The following SCLT1 variants were observed in gnomAD, a reference collection of about 807,000 sequenced individuals.
SCLT1 encodes the protein sodium channel-associated protein 1.
A neutral mutation model predicts 112.8 loss-of-function variants in SCLT1; 78 were observed. The ratio of observed to expected loss-of-function variants is 0.69; its 90% CI spans 0.58 to 0.83. SCLT1 has a LOEUF of 0.83. Among genes scored for constraint, SCLT1 ranks in the 40% least tolerant of loss-of-function variants. The pLI is 0.00. For synonymous variants in SCLT1, 257 were observed against 254.7 expected (o/e 1.01, Z -0.09); for missense variants, 747 against 770.4 (o/e 0.97, Z 0.36).
chr4:128,943,576 A>G (rs550501330), intron 16 of SCLT1, among the ~76,000 whole-genome samples: 42 of 152,308 alleles, frequency 2.8e-4, no homozygotes, highest in African/African-American at 9.9e-4. Flanking sequence ...AACTCCATGG[A>G]CTAACACAAT....
At chr4:129,025,665 C>T (rs1216322551) in intron 5 of SCLT1, among the ~76,000 whole-genome samples, 1 of 152,116 alleles carries the variant, frequency 6.6e-6, no homozygotes, top group Non-Finnish European at 1.5e-5. Flanking sequence ...AACCAGCTAA[C>T]ATCATAATGA....
At chr4:128,916,682 C>G (rs906796839) in intron 18 of SCLT1, among the ~76,000 whole-genome samples, 1 of 152,160 alleles carries the variant, frequency 6.6e-6, no homozygotes, top group Non-Finnish European at 1.5e-5. Flanking sequence ...CTTACTTTTT[C>G]ATCTACCGTT....
rs202057318 is a variant in SCLT1 at position 128,992,180 on chromosome 4, G to A, written c.673C>T (p.Arg225Ter). 25 of 1,587,000 alleles carry A rather than the reference G, an allele frequency of 1.6e-5. No homozygotes were observed. Among genetic ancestry groups the A allele is most frequent in the African/African-American group, 2.7e-5 (2 of 73,854 alleles). ...TTTTGAAAATACCTAAGTTTTTTTC[G>A]GAGTTGTTCGATTATCACACTTTGT... ...TEQSVIIEQL[R>*]KKLRQAKLEL... Residue 225 changes from arginine to a stop codon, truncating the protein, a stop_gained, in exon 9 of 21, where the codon CGA becomes TGA. Coordinates refer to ENST00000281142, the MANE Select transcript of SCLT1 (RefSeq NM_144643.4). LOFTEE classifies it high-confidence loss of function.
chr4:129,007,508 ATC>A (rs1351591243), intron 5 of SCLT1, among the ~76,000 whole-genome samples: 3 of 152,152 alleles, frequency 2.0e-5, no homozygotes, highest in Non-Finnish European at 4.4e-5. Context: ...ATCTGTAATC[ATC>A]TGTTTCACAT....
At chr4:129,032,833 AC>A (rs1358351728) in intron 5 of SCLT1, among the ~76,000 whole-genome samples, 1 of 152,186 alleles carries the variant, frequency 6.6e-6, no homozygotes, top group Non-Finnish European at 1.5e-5. Context: ...CCAGGAAACA[AC>A]AGATGCTGGT....
At chr4:128,944,382 AAAC>A (rs780469221) in intron 16 of SCLT1, among the ~76,000 whole-genome samples, 23 of 152,190 alleles carry the variant, frequency 1.5e-4, no homozygotes, top group East Asian at 1.2e-3. Flanking sequence ...ATTCTTCCAA[AAAC>A]AACAACAACA....
At chr4:129,042,293 G>A (rs1408331230) in intron 4 of SCLT1, among the ~76,000 whole-genome samples, 1 of 151,828 alleles carries the variant, frequency 6.6e-6, no homozygotes, top group Admixed American at 6.6e-5. Flanking sequence ...AAATTCTAGG[G>A]GAAAATGTTA....
At chr4:128,984,249 A>G (rs1741909264) in intron 9 of SCLT1, among the ~76,000 whole-genome samples, 1 of 152,098 alleles carries the variant, frequency 6.6e-6, no homozygotes, top group Non-Finnish European at 1.5e-5. Context: ...CAAAGTATCT[A>G]CTCATCATAC....
At chr4:129,060,232 T>C (rs1315462223) in intron 2 of SCLT1, among the ~76,000 whole-genome samples, 1 of 152,212 alleles carries the variant, frequency 6.6e-6, no homozygotes, top group Non-Finnish European at 1.5e-5. Context: ...TATGAATTCT[T>C]TGTCTGATTT....
chr4:128,901,279 C>T (rs1489807053), intron 18 of SCLT1, among the ~76,000 whole-genome samples: 3 of 152,094 alleles, frequency 2.0e-5, no homozygotes, highest in Non-Finnish European at 2.9e-5. Context: ...CCCAAATGTG[C>T]AACAATGATA....
At chr4:128,934,579 T>G (rs1268369815) in intron 18 of SCLT1, among the ~76,000 whole-genome samples, 1 of 151,896 alleles carries the variant, frequency 6.6e-6, no homozygotes, top group Non-Finnish European at 1.5e-5. Flanking sequence ...ATATTGTTTG[T>G]TAGATTTGTT....
chr4:129,049,761 T>C (rs1748580123), intron 2 of SCLT1, among the ~76,000 whole-genome samples: 1 of 152,064 alleles, frequency 6.6e-6, no homozygotes, highest in Non-Finnish European at 1.5e-5. Context: ...CTGGGATACA[T>C]GTGCAGAACG....
chr4:129,043,956 T>C (rs1055344547), intron 3 of SCLT1, 37 bp downstream of exon 3: 3 of 1,003,270 alleles, frequency 3.0e-6, no homozygotes, highest in African/African-American at 1.6e-5. Flanking sequence ...TAATTAAATA[T>C]AACGAAGAAA....
At position 129,065,600 on chromosome 4, in the gene SCLT1, C is replaced by T. The variant is rs1289593352; in HGVS notation, c.102+16706G>A. On this transcript the variant is annotated intron_variant, in intron 2 of 20. Transcript: ENST00000281142. ...TAGCTGTGTTCCAATAAATCTCTAT[C>T]TAATGAAACACATAGCGTGTGGGAT... 5.6e-4 allele frequency among the ~76,000 whole-genome samples: 80 copies of T among 142,494 alleles called. No homozygotes were observed. The Admixed American group carries it at 5.6e-3, about 10-fold the overall frequency. 93.5% of individuals were successfully genotyped at this position (142,494 alleles called of 152,430 possible). A position where few individuals can be genotyped will look rare whatever the true frequency, so the allele number is the denominator to read the frequency against.
chr4:128,884,988 T>C (rs940963773), intron 20 of SCLT1, among the ~76,000 whole-genome samples: 2 of 152,160 alleles, frequency 1.3e-5, no homozygotes, highest in African/African-American at 2.4e-5. Context: ...CTTGAAACTT[T>C]AAAATGTCTA....
At chr4:128,913,820 T>C (rs1332952962) in intron 18 of SCLT1, among the ~76,000 whole-genome samples, 1 of 152,214 alleles carries the variant, frequency 6.6e-6, no homozygotes, top group Admixed American at 6.5e-5. Context: ...TTGTTTAATT[T>C]GAGACCAATT....
Position 129,008,357 on chromosome 4 carries a change from CT to C in SCLT1, c.291-4482del, listed in dbSNP as rs557097388. Among the ~76,000 whole-genome samples the C allele has an allele frequency of 2.4e-3, 368 of 152,288 alleles. 1 individual carries two copies. The highest frequency in any genetic ancestry group is 4.1e-3 in the Non-Finnish European group (280 of 68,018). On this transcript the variant is annotated intron_variant, in intron 5 of 20. Transcript: ENST00000281142. The stretch of plus-strand genomic sequence containing the variant: ...TCAGCACTTTGAAGATATTCCATGT[CT>C]CTCGATTTCTATCACATCTGTTGAA...
In SCLT1 at chr4:128,923,070, G is replaced by A. The variant is rs575200355; in HGVS notation, c.1829+13585C>T. Among the ~76,000 whole-genome samples the A allele has an allele frequency of 6.1e-4, 93 of 152,270 alleles. No individual in the cohort carries two copies. In the South Asian group the frequency reaches 0.019, roughly 31 times the overall value. On this transcript the variant is annotated intron_variant, in intron 18 of 20. Transcript: ENST00000281142. ...CAACCTCATTGGGATATAATTGTGG[G>A]AAATAAGGTGCAGCCATTTTGAGTG...
intron 5 of SCLT1, among the ~76,000 whole-genome samples, chr4:129,006,730 C>T (rs1744061883): frequency 6.6e-6 from 1 of 151,954 alleles, no homozygotes; most frequent in Non-Finnish European, 1.5e-5. Context: ...GAATAGATGT[C>T]CAATCTTGCG....
Sources: allele counts gnomAD v4.1 joint callset (sites outside exome capture counted in the v4.1 genomes callset), GRCh38; gene constraint gnomAD v4.1.1; transcripts MANE v1.5; gene names NCBI Gene and HGNC (gene_info 2026-07-23, HGNC 2026-07-21).